The following PID1 variants were observed in gnomAD, a reference collection of about 807,000 sequenced individuals.
The protein encoded by PID1 is PTB-containing, cubilin and LRP1-interacting protein.
Under a neutral mutation model 19.1 loss-of-function variants are expected in PID1, and 10 were observed. That is an observed-to-expected ratio of 0.52 (90% CI 0.32 to 0.89). PID1 has a LOEUF of 0.89. Ranked by LOEUF, PID1 falls within the 40% of genes least tolerant of loss-of-function variation. PID1 has a pLI of 0.03. For synonymous variants in PID1, 130 were observed against 116.0 expected, an observed-to-expected ratio of 1.12 and a Z score of -0.78; for missense variants, 248 against 285.3, an observed-to-expected ratio of 0.87 and a Z score of 0.94.
intron 2 of PID1, among the ~76,000 whole-genome samples, chr2:229,094,378 C>A (rs1029141094): frequency 2.0e-5 from 3 of 152,008 alleles, no homozygotes; most frequent in Non-Finnish European, 4.4e-5. Context: ...CCAAGGCAAT[C>A]TACATATTCA....
At chr2:229,066,978 A>G (rs1036695153) in intron 2 of PID1, among the ~76,000 whole-genome samples, 1 of 152,162 alleles carries the variant, frequency 6.6e-6, no homozygotes, top group Non-Finnish European at 1.5e-5. Flanking sequence ...ACTGCTATGA[A>G]AAAACACCCG....
At chr2:229,145,369 T>C (rs546327463) in intron 2 of PID1, among the ~76,000 whole-genome samples, 4 of 151,868 alleles carry the variant, frequency 2.6e-5, no homozygotes, top group African/African-American at 9.6e-5. Flanking sequence ...TAGTTTTCTG[T>C]GGAGTGTTTC....
At chr2:229,111,639 T>C (rs1052179926) in intron 2 of PID1, among the ~76,000 whole-genome samples, 9 of 152,202 alleles carry the variant, frequency 5.9e-5, no homozygotes, top group Admixed American at 1.3e-4. Context: ...TGTCTTTTTT[T>C]CTATACAAAT....
chr2:229,151,144 C>G (rs1324830011), intron 2 of PID1, among the ~76,000 whole-genome samples: 1 of 151,960 alleles, frequency 6.6e-6, no homozygotes, highest in African/African-American at 2.4e-5. Flanking sequence ...TCCATGAGAT[C>G]CTGATACTGA....
chr2:229,176,661 C>T (rs1415252907), intron 1 of PID1, among the ~76,000 whole-genome samples: 2 of 152,154 alleles, frequency 1.3e-5, no homozygotes, highest in Non-Finnish European at 2.9e-5. Context: ...AAGAAGACGG[C>T]ATTGTATAAG....
chr2:229,123,708 A>G (rs528356368), intron 2 of PID1, among the ~76,000 whole-genome samples: 2 of 152,274 alleles, frequency 1.3e-5, no homozygotes, highest in South Asian at 4.1e-4. Flanking sequence ...TTTTTCATTC[A>G]AGTGGGTATA....
chr2:229,215,882 T>C (rs1020628864), intron 1 of PID1, among the ~76,000 whole-genome samples: 2 of 152,246 alleles, frequency 1.3e-5, no homozygotes, highest in Non-Finnish European at 1.5e-5. Flanking sequence ...TTGTGTTGCC[T>C]TGTATTATGG....
chr2:229,215,187 G>T (rs1442263766), intron 1 of PID1, among the ~76,000 whole-genome samples: 1 of 152,190 alleles, frequency 6.6e-6, no homozygotes, highest in African/African-American at 2.4e-5. Context: ...CAGCAGAGGG[G>T]AGTGGTGGGC....
chr2:229,202,710 C>T (rs2106241951), intron 1 of PID1, among the ~76,000 whole-genome samples: 1 of 152,202 alleles, frequency 6.6e-6, no homozygotes, highest in South Asian at 2.1e-4. Context: ...TGACAAAGTA[C>T]ATAAAATGGC....
At chr2:229,251,985 GA>G (rs1261154143) in intron 1 of PID1, among the ~76,000 whole-genome samples, 36 of 108,710 alleles carry the variant, frequency 3.3e-4, no homozygotes, top group Admixed American at 9.5e-4. Context: ...AAAAAAGAAA[GA>G]AAAAAAAACA....
rs545015423 is a variant in PID1 at position 229,251,838 on chromosome 2, C to T, written c.30+19176G>A. ...GAAATCAACAATATGTCCATTTCTT[C>T]CAGTCCTTGGATCGAAATAAGTCCA... On this transcript the variant is annotated intron_variant, in intron 1 of 2. Coordinates refer to ENST00000392055, the MANE Select transcript of PID1 (RefSeq NM_001100818.2). Among the ~76,000 whole-genome samples the T allele has an allele frequency of 2.0e-5, 3 of 151,444 alleles. No individual in the cohort carries two copies. The South Asian group carries it at 6.2e-4, about 32-fold the overall frequency.
At chr2:229,145,652 C>T (rs1375838934) in intron 2 of PID1, among the ~76,000 whole-genome samples, 2 of 152,120 alleles carry the variant, frequency 1.3e-5, no homozygotes, top group Admixed American at 6.6e-5. Flanking sequence ...CGTTTTCAAA[C>T]TTATGCTCTA....
chr2:229,234,665 T>G (rs1422243393), intron 1 of PID1, among the ~76,000 whole-genome samples: 2 of 152,172 alleles, frequency 1.3e-5, no homozygotes, highest in African/African-American at 4.8e-5. Context: ...ATGTATGGAA[T>G]GTTCTCAAAT....
rs73998543 is a variant in PID1, at chr2:229,088,306, G to A, written c.178-62198C>T. ...AACATTTACCGAGCAACTACTGTAAGCCAGGCCCTAAGGCTATGATGATAA... is the reference window on the plus strand; with the variant it reads ...AACATTTACCGAGCAACTACTGTAAACCAGGCCCTAAGGCTATGATGATAA... On this transcript the variant is annotated intron_variant, in intron 2 of 2. Coordinates refer to ENST00000392055, the MANE Select transcript of PID1 (RefSeq NM_001100818.2). 2.7e-3 allele frequency among the ~76,000 whole-genome samples: 405 copies of A among 152,240 alleles called. 3 individuals are homozygous for A. Among genetic ancestry groups the A allele is most frequent in the African/African-American group, 9.4e-3 (390 of 41,528 alleles).
intron 1 of PID1, among the ~76,000 whole-genome samples, chr2:229,203,337 G>C (rs1446601145): frequency 6.6e-6 from 1 of 152,060 alleles, no homozygotes; most frequent in African/African-American, 2.4e-5. Context: ...TATTAATAAA[G>C]TATAGTAAGT....
chr2:229,205,290 T>C (rs1381091403), intron 1 of PID1, among the ~76,000 whole-genome samples: 1 of 151,722 alleles, frequency 6.6e-6, no homozygotes, highest in Non-Finnish European at 1.5e-5. Context: ...CATACTATAT[T>C]TTTTACAGCT....
chr2:229,029,089 G>A (rs1285958177), intron 2 of PID1, among the ~76,000 whole-genome samples: 5 of 151,958 alleles, frequency 3.3e-5, no homozygotes, highest in Admixed American at 2.0e-4. Flanking sequence ...GGAGGGTTGC[G>A]GGGGTGAGGG....
At chr2:229,147,567 CT>C (rs1170490870) in intron 2 of PID1, among the ~76,000 whole-genome samples, 4 of 151,958 alleles carry the variant, frequency 2.6e-5, no homozygotes, top group Middle Eastern at 3.4e-3. Flanking sequence ...TTATAATCAA[CT>C]TTTTTATATA....
At chr2:229,190,967 T>C (rs1031341746) in intron 1 of PID1, among the ~76,000 whole-genome samples, 5 of 152,180 alleles carry the variant, frequency 3.3e-5, no homozygotes, top group African/African-American at 1.2e-4. Flanking sequence ...TATAAACCAT[T>C]ATAATGAAGC....
Sources: gnomAD v4.1 joint callset for allele counts (sites outside exome capture counted in the v4.1 genomes callset) on GRCh38, gnomAD v4.1.1 for gene constraint, MANE v1.5 for transcripts, NCBI Gene and HGNC (gene_info 2026-07-23, HGNC 2026-07-21) for gene names.